Variants in AGMO observed in about 807,000 individuals in gnomAD.
AGMO encodes the protein glyceryl-ether monooxygenase.
AGMO carries 75 observed loss-of-function variants against 60.2 expected under a neutral mutation model. The observed-to-expected ratio is 1.25, with a 90% CI of 1.03 to 1.51. The LOEUF is 1.51. Ranked by LOEUF, AGMO falls within the 40% of genes most tolerant of loss-of-function variation. AGMO has a pLI of 0.00. For missense variants in AGMO, 763 were observed against 525.5 expected, an observed-to-expected ratio of 1.45 and a Z score of -4.42; for synonymous variants, 261 against 177.1, an observed-to-expected ratio of 1.47 and a Z score of -3.76.
At chr7:15,296,181 C>T (rs1007538427) in intron 12 of AGMO, among the ~76,000 whole-genome samples, 1 of 152,008 alleles carries the variant, frequency 6.6e-6, no homozygotes, top group Non-Finnish European at 1.5e-5. Context: ...AACTTCTCAA[C>T]CAATATAGTG....
intron 12 of AGMO, among the ~76,000 whole-genome samples, chr7:15,322,931 T>C (rs1341335514): frequency 2.1e-5 from 3 of 143,330 alleles, no homozygotes; most frequent in African/African-American, 5.0e-5. Context: ...TGTGTTTACA[T>C]ATGTGTGTGT....
At chr7:15,199,422 A>C (rs1165182543), downstream of AGMO, among the ~76,000 whole-genome samples, 2 of 152,188 alleles carry the variant, frequency 1.3e-5, no homozygotes, top group Non-Finnish European at 2.9e-5. Flanking sequence ...TCTATTATTA[A>C]ACTCATTTTT....
At chr7:15,476,485 T>A (rs777074543) in intron 3 of AGMO, among the ~76,000 whole-genome samples, 26 of 152,106 alleles carry the variant, frequency 1.7e-4, no homozygotes, top group Non-Finnish European at 3.5e-4. Context: ...GTTGTTTTAT[T>A]TTCATCTTTC....
intron 12 of AGMO, among the ~76,000 whole-genome samples, chr7:15,320,942 C>A (rs1480159858): frequency 6.6e-6 from 1 of 152,114 alleles, no homozygotes; most frequent in East Asian, 1.9e-4. Flanking sequence ...AGGGTTTCAG[C>A]AAATTGTCTG....
At chr7:15,319,443 G>A (rs907025248) in intron 12 of AGMO, among the ~76,000 whole-genome samples, 1 of 152,118 alleles carries the variant, frequency 6.6e-6, no homozygotes, top group African/African-American at 2.4e-5. Flanking sequence ...CCAAAGAGAT[G>A]TACCCTAGGA....
At chr7:15,354,880 A>G (rs1362410614) in intron 12 of AGMO, among the ~76,000 whole-genome samples, 3 of 141,426 alleles carry the variant, frequency 2.1e-5, no homozygotes, top group Non-Finnish European at 4.8e-5. Context: ...ATATATTCTC[A>G]TATGTTACAT....
chr7:15,449,616 G>T (rs1243821242), intron 3 of AGMO, among the ~76,000 whole-genome samples: 1 of 152,108 alleles, frequency 6.6e-6, no homozygotes, highest in African/African-American at 2.4e-5. Flanking sequence ...GTGTGTAGTA[G>T]GCTATACCAT....
intron 2 of AGMO, among the ~76,000 whole-genome samples, chr7:15,558,544 T>C (rs1290088837): frequency 1.3e-5 from 2 of 152,054 alleles, no homozygotes; most frequent in Non-Finnish European, 2.9e-5. Context: ...GGACAAGTAT[T>C]ATAATAAAGG....
chr7:15,416,421 CT>C (rs1465902601), intron 5 of AGMO, among the ~76,000 whole-genome samples: 2 of 152,170 alleles, frequency 1.3e-5, no homozygotes, highest in East Asian at 3.9e-4. Context: ...TATTTTTTAT[CT>C]CACAGTCTTT....
intron 12 of AGMO, among the ~76,000 whole-genome samples, chr7:15,209,644 A>T (rs1781532588): frequency 6.6e-6 from 1 of 152,164 alleles, no homozygotes; most frequent in African/African-American, 2.4e-5. Context: ...ATGGGACTGC[A>T]CAAATGGTTT....
chr7:15,517,995 T>G (rs1247984470), intron 3 of AGMO, among the ~76,000 whole-genome samples: 1 of 152,088 alleles, frequency 6.6e-6, no homozygotes, highest in Non-Finnish European at 1.5e-5. Flanking sequence ...GGGAGGGGCA[T>G]CACCATTACT....
At position 15,385,363 on chromosome 7, in the gene AGMO, G is replaced by A. The variant is rs1783868753; in HGVS notation, c.1074+83C>T. ...AGACCACTACAGAGAATATATGACA[G>A]CCTTAATATGGGGAGCTTATTTTCA... On this transcript the variant is annotated intron_variant, in intron 10 of 12. Transcript: ENST00000342526. The A allele has an allele frequency of 4.3e-6, 4 of 922,750 alleles. No individual in the cohort carries two copies. The South Asian group carries it at 5.8e-5, about 13-fold the overall frequency. The allele number at this position is 922,750 out of a possible 1,614,324, so 57.2% of individuals were successfully genotyped here. A position where few individuals can be genotyped will look rare whatever the true frequency, so the allele number is the denominator to read the frequency against.
At chr7:15,331,785 G>T (rs181806002) in intron 12 of AGMO, among the ~76,000 whole-genome samples, 7 of 152,228 alleles carry the variant, frequency 4.6e-5, no homozygotes, top group Admixed American at 4.6e-4. Flanking sequence ...AATTAGCCAG[G>T]TGTGGTGGCC....
intron 12 of AGMO, among the ~76,000 whole-genome samples, chr7:15,346,675 A>C (rs1782045888): frequency 6.6e-6 from 1 of 151,736 alleles, no homozygotes; most frequent in South Asian, 2.1e-4. Context: ...ATTTTATTTT[A>C]ATCAAGATGC....
intron 2 of AGMO, among the ~76,000 whole-genome samples, chr7:15,548,053 C>A (rs937651122): frequency 6.6e-6 from 1 of 151,430 alleles, no homozygotes; most frequent in Non-Finnish European, 1.5e-5. Context: ...CCAGCAGGGG[C>A]ACACTGACAC....
chr7:15,529,652 T>TTCATTA lies in AGMO; in HGVS notation c.409+15119_409+15120insTAATGA, dbSNP rs1257615978. Among the ~76,000 whole-genome samples, 17 of 43,474 alleles carry TTCATTA rather than the reference T, an allele frequency of 3.9e-4. 7 individuals carry two copies. Among genetic ancestry groups the TTCATTA allele is most frequent in the African/African-American group, 1.6e-3 (17 of 10,636 alleles). 28.5% of individuals were successfully genotyped at this position (43,474 alleles called of 152,430 possible). On this transcript the variant is annotated intron_variant, in intron 3 of 12. Coordinates refer to ENST00000342526, the MANE Select transcript of AGMO (RefSeq NM_001004320.2). ...ATATAGAATATATATATATACTATATATTCTATATATATTCTATATATATT... is the reference window on the plus strand; with the variant it reads ...ATATAGAATATATATATATACTATATTCATTAATTCTATATATATTCTATATATATT...
intron 3 of AGMO, among the ~76,000 whole-genome samples, chr7:15,481,256 T>C (rs563774292): frequency 6.6e-6 from 1 of 152,234 alleles, no homozygotes; most frequent in East Asian, 1.9e-4. Context: ...CTGCATGTCC[T>C]AATAATGGGC....
At chr7:15,532,806 T>C (rs1050452749) in intron 3 of AGMO, among the ~76,000 whole-genome samples, 3 of 151,842 alleles carry the variant, frequency 2.0e-5, no homozygotes, top group Admixed American at 6.6e-5. Context: ...GCCTGGACAA[T>C]GAAGTGAGAC....
intron 6 of AGMO, among the ~76,000 whole-genome samples, chr7:15,391,294 T>G (rs1223672566): frequency 6.6e-6 from 1 of 152,062 alleles, no homozygotes; most frequent in Non-Finnish European, 1.5e-5. Context: ...TATTTTAAAT[T>G]TTTGATGGGA....
Sources: allele counts gnomAD v4.1 joint callset (sites outside exome capture counted in the v4.1 genomes callset), GRCh38; gene constraint gnomAD v4.1.1; transcripts MANE v1.5; gene names NCBI Gene and HGNC (gene_info 2026-07-23, HGNC 2026-07-21).